GOLGA4: variants seen among roughly 807,000 people sequenced by gnomAD.
GOLGA4 encodes the protein golgin subfamily A member 4.
GOLGA4 carries 169 observed loss-of-function variants against 265.9 expected under a neutral mutation model. That is an observed-to-expected ratio of 0.64 (90% CI 0.56 to 0.72). The LOEUF is 0.72. Among genes scored for constraint, GOLGA4 ranks in the 30% least tolerant of loss-of-function variants. The pLI, the probability that GOLGA4 is intolerant of heterozygous loss-of-function variation, is 0.00. For missense variants in GOLGA4, 2,482 were observed against 2,483.4 expected, an observed-to-expected ratio of 1.00 and a Z score of 0.01; for synonymous variants, 923 against 855.8, an observed-to-expected ratio of 1.08 and a Z score of -1.37.
Position 37,319,110 on chromosome 3 carries a change from G to A in GOLGA4, c.1461G>A (p.Lys487=). 1 of 1,609,494 alleles carries A rather than the reference G, an allele frequency of 6.2e-7. No individual in the cohort carries two copies. The highest frequency in any genetic ancestry group is 8.5e-7 in the Non-Finnish European group (1 of 1,177,676). Residue 487 remains lysine, a synonymous_variant, in exon 12 of 24, where the codon AAG becomes AAA. Coordinates refer to ENST00000361924, the MANE Select transcript of GOLGA4 (RefSeq NM_002078.5). ...CTAAGCTACAGAAGCTTCATGAAAAGGAGCTGGCCAGAAAAGAGCAGGAAC... is the reference window on the plus strand; with the variant it reads ...CTAAGCTACAGAAGCTTCATGAAAAAGAGCTGGCCAGAAAAGAGCAGGAAC... ...QIAKLQKLHE[K]ELARKEQELT...
intron 2 of GOLGA4, chr3:37,275,766 T>G (rs2096815752): frequency 2.5e-6 from 4 of 1,613,272 alleles, no homozygotes; most frequent in Non-Finnish European, 8.5e-7. Context: ...GCTGGAGCAT[T>G]GGATTTGCTA....
At chr3:37,277,202 C>G (rs1181653483) in intron 2 of GOLGA4, among the ~76,000 whole-genome samples, 1 of 152,178 alleles carries the variant, frequency 6.6e-6, no homozygotes, top group Non-Finnish European at 1.5e-5. Flanking sequence ...ATCATCATCT[C>G]TTGTAATTTC....
chr3:37,281,353 G>A (rs895104323), intron 2 of GOLGA4, among the ~76,000 whole-genome samples: 1 of 152,084 alleles, frequency 6.6e-6, no homozygotes, highest in African/African-American at 2.4e-5. Flanking sequence ...GAGCAGAGTT[G>A]GCTGTTACTA....
intron 17 of GOLGA4, among the ~76,000 whole-genome samples, chr3:37,336,328 C>T (rs781188615): frequency 1.3e-5 from 2 of 151,944 alleles, no homozygotes; most frequent in Non-Finnish European, 2.9e-5. Context: ...CTAACATGAG[C>T]GTTTCCTTAG....
At chr3:37,319,376 T>G (rs1377009186) in intron 12 of GOLGA4, 182 bp downstream of exon 12, 1 of 417,976 alleles carries the variant, frequency 2.4e-6, no homozygotes, top group East Asian at 3.9e-5. Context: ...TGTGTGAAAA[T>G]TAAATTTACT....
intron 10 of GOLGA4, among the ~76,000 whole-genome samples, chr3:37,304,879 T>A (rs1011571554): frequency 3.5e-4 from 53 of 152,176 alleles, no homozygotes; most frequent in Non-Finnish European, 1.0e-4. Flanking sequence ...TTTTAATATT[T>A]GATAGCGTAA....
intron 4 of GOLGA4, among the ~76,000 whole-genome samples, chr3:37,288,597 C>A (rs1355241664): frequency 6.6e-6 from 1 of 151,948 alleles, no homozygotes; most frequent in East Asian, 1.9e-4. Context: ...CTGCCTCAGC[C>A]TCCTGAGTAG....
intron 14 of GOLGA4, among the ~76,000 whole-genome samples, chr3:37,328,084 A>T (rs972448502): frequency 4.6e-5 from 7 of 151,980 alleles, no homozygotes; most frequent in African/African-American, 1.7e-4. Flanking sequence ...TATCCAAGTA[A>T]TTATTTTCTT....
At position 37,324,673 on chromosome 3, in the gene GOLGA4, G is replaced by C. The variant is rs761157370; in HGVS notation, c.2787G>C (p.Gln929His). Residue 929 changes from glutamine (Q) to histidine (H), a missense_variant, in exon 14 of 24, where the codon CAG (glutamine) becomes CAC (histidine). Gln to His is a conservative substitution (Grantham distance 24, BLOSUM62 0). Transcript: ENST00000361924. ...GQKKEIEILTQKLSAKEDSIH... is the reference protein window; with the variant it reads ...GQKKEIEILTHKLSAKEDSIH... ...AGAAAGAAATTGAGATACTCACACA[G>C]AAATTGTCAGCCAAGGAGGACAGTA... 4 of 1,612,586 alleles carry C rather than the reference G, an allele frequency of 2.5e-6. No individual in the cohort carries two copies. The East Asian group carries it at 6.7e-5, about 27-fold the overall frequency.
At chr3:37,279,832 G>A (rs2096829875) in intron 2 of GOLGA4, among the ~76,000 whole-genome samples, 1 of 151,888 alleles carries the variant, frequency 6.6e-6, no homozygotes, top group South Asian at 2.1e-4. Context: ...ACTTGAACCC[G>A]GGAGTTGGAG....
chr3:37,362,229 ATTTATTTATTAT>A (rs1283590312), intron 23 of GOLGA4, among the ~76,000 whole-genome samples: 39 of 46,444 alleles, frequency 8.4e-4, no homozygotes, highest in South Asian at 4.3e-3. Flanking sequence ...TTATTTATTT[ATTTATTTATTAT>A]TTTTTTTTTT....
chr3:37,273,680 G>C, intron 2 of GOLGA4: 1 of 751,928 alleles, frequency 1.3e-6, no homozygotes, highest in Non-Finnish European at 2.3e-6. Flanking sequence ...ATTAGCATCT[G>C]ACTTTACATT....
intron 2 of GOLGA4, chr3:37,273,635 A>G: frequency 1.8e-6 from 2 of 1,100,042 alleles, no homozygotes; most frequent in Non-Finnish European, 2.7e-6. Context: ...GAAAATAACA[A>G]GTCATTTCAG....
rs750923998 is a variant in GOLGA4, at chr3:37,289,226, CAATT to C, written c.526-6_526-3del. On this transcript the variant is annotated splice_polypyrimidine_tract_variant and splice_region_variant and intron_variant, in intron 4 of 23. Coordinates refer to ENST00000361924, the MANE Select transcript of GOLGA4 (RefSeq NM_002078.5). ...GTTTAACCAGCTTTTTTTTCTCTCT[CAATT>C]AAAGGGTATATTAAGTCAGAGTCAG... The C allele has an allele frequency of 2.6e-6, 4 of 1,534,072 alleles. No individual in the cohort carries two copies. Among genetic ancestry groups the C allele is most frequent in the South Asian group, 1.2e-5 (1 of 85,528 alleles).
At position 37,349,229 on chromosome 3, in the gene GOLGA4, C is replaced by G. The variant is rs542399394; in HGVS notation, c.6576+1933C>G. ...GTAGATAGCAAGATGACATTTGATA[C>G]CATCTCTAACTTTAAGGCGTTCACT... On this transcript the variant is annotated intron_variant, in intron 21 of 23. Coordinates refer to ENST00000361924, the MANE Select transcript of GOLGA4 (RefSeq NM_002078.5). Among the ~76,000 whole-genome samples, 20 of 152,228 alleles carry G rather than the reference C, an allele frequency of 1.3e-4. No individual in the cohort carries two copies. In the South Asian group the frequency reaches 4.1e-3, roughly 32 times the overall value.
intron 23 of GOLGA4, among the ~76,000 whole-genome samples, chr3:37,365,823 G>T (rs1320711414): frequency 1.3e-5 from 2 of 148,304 alleles, no homozygotes; most frequent in Admixed American, 6.7e-5. Flanking sequence ...TTTCAGAATG[G>T]GGTCTTGCTG....
At chr3:37,254,279 A>G (rs2096742081) in intron 2 of GOLGA4, among the ~76,000 whole-genome samples, 1 of 152,144 alleles carries the variant, frequency 6.6e-6, no homozygotes, top group Non-Finnish European at 1.5e-5. Flanking sequence ...TACTTAAGAA[A>G]ATAAGATCTC....
chr3:37,345,236 G>T (rs1470601920), intron 20 of GOLGA4, among the ~76,000 whole-genome samples: 1 of 152,158 alleles, frequency 6.6e-6, no homozygotes, highest in Non-Finnish European at 1.5e-5. Flanking sequence ...ATTGTTCTCA[G>T]TAGTAATCTT....
At chr3:37,323,500 C>T (rs2096961108) in intron 13 of GOLGA4, 88 bp from the exon 14 acceptor site, 6 of 715,962 alleles carry the variant, frequency 8.4e-6, no homozygotes, top group East Asian at 2.6e-5. Flanking sequence ...TTTTGATCTT[C>T]AGGTAGGTGG....
Sources: gnomAD v4.1 joint callset for allele counts (sites outside exome capture counted in the v4.1 genomes callset) on GRCh38, gnomAD v4.1.1 for gene constraint, MANE v1.5 for transcripts, NCBI Gene and HGNC (gene_info 2026-07-23, HGNC 2026-07-21) for gene names.